RPS6KA2: variants seen among roughly 807,000 people sequenced by gnomAD.
The protein encoded by RPS6KA2 is ribosomal protein S6 kinase alpha-2.
Under a neutral mutation model 91.8 loss-of-function variants are expected in RPS6KA2, and 42 were observed. That is an observed-to-expected ratio of 0.46 (90% CI 0.36 to 0.59). The LOEUF is 0.59. Among genes scored for constraint, RPS6KA2 ranks in the 20% least tolerant of loss-of-function variants. The pLI, the probability that RPS6KA2 is intolerant of heterozygous loss-of-function variation, is 0.00. For missense variants in RPS6KA2, 798 were observed against 978.5 expected (o/e 0.82, Z 2.46); for synonymous variants, 414 against 393.6 (o/e 1.05, Z -0.61).
At chr6:166,747,914 G>A (rs62438706) in intron 2 of RPS6KA2, among the ~76,000 whole-genome samples, 28,288 of 152,160 alleles carry the variant, frequency 0.19, 3,127 homozygotes, top group Non-Finnish European at 0.25. Flanking sequence ...AGAAGGCAGC[G>A]GCTGTGTACG....
At chr6:166,568,494 G>C (rs1306476189) in intron 1 of RPS6KA2, among the ~76,000 whole-genome samples, 1 of 151,992 alleles carries the variant, frequency 6.6e-6, no homozygotes, top group Non-Finnish European at 1.5e-5. Flanking sequence ...GCAGGCACCT[G>C]TAGTCCCAGC....
chr6:166,585,987 TA>T (rs1785157182), intron 1 of RPS6KA2: 1 of 473,724 alleles, frequency 2.1e-6, no homozygotes, highest in Non-Finnish European at 3.3e-6. Context: ...CTATTTTTTT[TA>T]AAGTCTCAAC....
chr6:166,843,063 C>T (rs1211052741), intron 2 of RPS6KA2, among the ~76,000 whole-genome samples: 1 of 152,162 alleles, frequency 6.6e-6, no homozygotes, highest in Non-Finnish European at 1.5e-5. Flanking sequence ...GTGAGACCAG[C>T]CTTTAGGACT....
chr6:166,517,275 A>T (rs980949321), intron 3 of RPS6KA2, among the ~76,000 whole-genome samples: 1 of 152,100 alleles, frequency 6.6e-6, no homozygotes, highest in African/African-American at 2.4e-5. Flanking sequence ...TGGGTGGATC[A>T]CTTGAGCCGA....
At chr6:166,855,656 C>A (rs1780880736) in intron 2 of RPS6KA2, among the ~76,000 whole-genome samples, 1 of 152,202 alleles carries the variant, frequency 6.6e-6, no homozygotes. Context: ...AAAAGTTACA[C>A]AACATCATAG....
chr6:166,679,497 CTT>C (rs1788720003), intron 2 of RPS6KA2, among the ~76,000 whole-genome samples: 1 of 152,112 alleles, frequency 6.6e-6, no homozygotes, highest in African/African-American at 2.4e-5. Flanking sequence ...AATATTGTCA[CTT>C]ATTTTTGCCA....
At chr6:166,701,682 T>C (rs1379962038) in intron 2 of RPS6KA2, 2 of 1,275,368 alleles carry the variant, frequency 1.6e-6, no homozygotes, top group Non-Finnish European at 2.3e-6. Flanking sequence ...AGGTGGGAGG[T>C]GGCATCCCTG....
rs547290300 is a variant in RPS6KA2, at chr6:166,558,318, G to A, written c.100-19534C>T. Among the ~76,000 whole-genome samples, 76 of 152,258 alleles carry A rather than the reference G, an allele frequency of 5.0e-4. No individual in the cohort carries two copies. The South Asian group carries it at 6.4e-3, about 13-fold the overall frequency. On this transcript the variant is annotated intron_variant, in intron 1 of 20. Transcript: ENST00000265678. ...CAGCTCAAGCTGTCAGGCAGGAGGC[G>A]TCCCTCTTCCTTGGGACAGGGCCAG...
chr6:166,705,199 T>C (rs915776924), intron 2 of RPS6KA2, among the ~76,000 whole-genome samples: 1 of 152,222 alleles, frequency 6.6e-6, no homozygotes, highest in Non-Finnish European at 1.5e-5. Context: ...ACTCCACAGA[T>C]GGTATCCGTC....
At chr6:166,479,799 T>C (rs1478656551) in intron 10 of RPS6KA2, among the ~76,000 whole-genome samples, 1 of 152,232 alleles carries the variant, frequency 6.6e-6, no homozygotes, top group Non-Finnish European at 1.5e-5. Context: ...TGCCTGTGTT[T>C]GCAGAATTTT....
chr6:166,469,732 G>T, intron 11 of RPS6KA2, 109 bp downstream of exon 11: 1 of 1,011,208 alleles, frequency 9.9e-7, no homozygotes, highest in South Asian at 1.3e-5. Flanking sequence ...ATTCACCTCC[G>T]ACCTACTTGT....
At chr6:166,754,447 G>A (rs1777938865) in intron 2 of RPS6KA2, among the ~76,000 whole-genome samples, 1 of 152,196 alleles carries the variant, frequency 6.6e-6, no homozygotes, top group Non-Finnish European at 1.5e-5. Flanking sequence ...GAGCCAGGGT[G>A]AGCCTGCATG....
intron 16 of RPS6KA2, among the ~76,000 whole-genome samples, chr6:166,428,860 T>C (rs1779018854): frequency 6.6e-6 from 1 of 150,792 alleles, no homozygotes; most frequent in Admixed American, 6.6e-5. Flanking sequence ...AGTTCAACCA[T>C]TGTGGAAGTC....
chr6:166,633,438 T>G (rs1173219971), intron 2 of RPS6KA2, among the ~76,000 whole-genome samples: 1 of 152,242 alleles, frequency 6.6e-6, no homozygotes, highest in Admixed American at 6.5e-5. Flanking sequence ...TTGATAACAC[T>G]GTTGAGTTAC....
intron 2 of RPS6KA2, among the ~76,000 whole-genome samples, chr6:166,658,093 G>T (rs541323264): frequency 6.6e-6 from 1 of 152,296 alleles, no homozygotes; most frequent in African/African-American, 2.4e-5. Context: ...TGTTGGTCAG[G>T]CTGGTCTTAA....
chr6:166,703,863 G>A (rs1006839676), intron 2 of RPS6KA2, among the ~76,000 whole-genome samples: 3 of 152,054 alleles, frequency 2.0e-5, no homozygotes, highest in African/African-American at 7.2e-5. Context: ...AAAAACAAAA[G>A]GAGAATGGAA....
rs1398663016 is a variant in RPS6KA2 at position 166,419,471 on chromosome 6, G to A, written c.1820+411C>T. 2.0e-5 allele frequency among the ~76,000 whole-genome samples: 3 copies of A among 152,226 alleles called. No individual in the cohort carries two copies. The highest frequency in any genetic ancestry group is 4.4e-5 in the Non-Finnish European group (3 of 68,034). Reference sequence around the variant, plus strand: ...GTCTTACCACAATGAACCGGCCCGTGCATGACTCATGACCACGAAACCCAG... The same window carrying A: ...GTCTTACCACAATGAACCGGCCCGTACATGACTCATGACCACGAAACCCAG... On this transcript the variant is annotated intron_variant, in intron 18 of 20. Transcript: ENST00000265678. The surrounding 1 kb of genome is among the most constrained non-coding windows in gnomAD (Gnocchi z 5.6).
Position 166,852,892 on chromosome 6 carries a change from T to C in RPS6KA2, c.123+5308A>G, listed in dbSNP as rs148631787. On this transcript the variant is annotated intron_variant, in intron 2 of 21. Transcript: ENST00000503859. The surrounding 1 kb of genome is among the most constrained non-coding windows in gnomAD (Gnocchi z 4.1). ...ACCCTGTGATCCCCGTGTGGCTGTG[T>C]CCTGCCAACTGATGGTGACAGCAGG... 9.2e-5 allele frequency among the ~76,000 whole-genome samples: 14 copies of C among 152,268 alleles called. No homozygotes were observed. Among genetic ancestry groups the C allele is most frequent in the Admixed American group, 6.5e-4 (10 of 15,306 alleles).
chr6:166,839,694 G>GGA (rs1780414132), intron 2 of RPS6KA2, among the ~76,000 whole-genome samples: 1 of 6,238 alleles, frequency 1.6e-4, no homozygotes, highest in African/African-American at 5.5e-4. Flanking sequence ...AGAGGAGAGG[G>GGA]GAGGAGAGGA....
Sources: allele counts gnomAD v4.1 joint callset (sites outside exome capture counted in the v4.1 genomes callset), GRCh38; gene constraint gnomAD v4.1.1; non-coding constraint Gnocchi (gnomAD v3.1); transcripts MANE v1.5; gene names NCBI Gene and HGNC (gene_info 2026-07-23, HGNC 2026-07-21).